The following EPB41 variants were observed in gnomAD, a reference collection of about 807,000 sequenced individuals.
EPB41 encodes erythrocyte membrane protein band 4.1.
EPB41 carries 65 observed loss-of-function variants against 108.0 expected under a neutral mutation model. That is an observed-to-expected ratio of 0.60 (90% confidence interval 0.49 to 0.74). The LOEUF is 0.74. Ranked by LOEUF, EPB41 falls within the 30% of genes least tolerant of loss-of-function variation. The pLI is 0.00. For missense variants in EPB41, 875 were observed against 1,037.0 expected, an observed-to-expected ratio of 0.84 and a Z score of 2.15; for synonymous variants, 336 against 358.9, an observed-to-expected ratio of 0.94 and a Z score of 0.72.
chr1:28,993,661 T>TTC (rs909261846), intron 3 of EPB41, 119 bp downstream of exon 3: 37 of 816,554 alleles, frequency 4.5e-5, no homozygotes, highest in East Asian at 8.4e-5. Context: ...TTTTTTCTTT[T>TTC]TTTTTTTTTT....
At chr1:28,942,392 A>G (rs1319391278) in intron 1 of EPB41, among the ~76,000 whole-genome samples, 1 of 151,470 alleles carries the variant, frequency 6.6e-6, no homozygotes, top group Admixed American at 6.6e-5. Flanking sequence ...GGTTCCCACA[A>G]CCCCCTCTTT....
At chr1:28,969,117 C>T (rs1218022938) in intron 1 of EPB41, among the ~76,000 whole-genome samples, 2 of 149,260 alleles carry the variant, frequency 1.3e-5, no homozygotes, top group African/African-American at 4.9e-5. Context: ...CAGAGTCTTG[C>T]CCTGTCACCC....
At chr1:28,959,436 C>T (rs1372401629) in intron 1 of EPB41, among the ~76,000 whole-genome samples, 2 of 151,992 alleles carry the variant, frequency 1.3e-5, no homozygotes, top group Non-Finnish European at 2.9e-5. Context: ...AGGCTGGTCT[C>T]AAACTTCTGA....
intron 1 of EPB41, among the ~76,000 whole-genome samples, chr1:28,908,417 T>C (rs949987589): frequency 1.4e-5 from 2 of 145,584 alleles, no homozygotes; most frequent in African/African-American, 5.3e-5. Flanking sequence ...AAAAAAAAAG[T>C]AGTTATTATT....
At chr1:28,993,141 T>G (rs1211670524) in intron 2 of EPB41, among the ~76,000 whole-genome samples, 189 bp from the exon 3 acceptor site, 1 of 152,062 alleles carries the variant, frequency 6.6e-6, no homozygotes, top group East Asian at 1.9e-4. Context: ...CCTGAGAAGT[T>G]TTAATAACAA....
rs539171087 is a variant in EPB41, at chr1:29,023,693, A to C, written c.1124+5251A>C. Among the ~76,000 whole-genome samples the C allele has an allele frequency of 2.7e-3, 418 of 152,046 alleles. 12 individuals carry two copies. The highest frequency in any genetic ancestry group is 9.6e-3 in the African/African-American group (397 of 41,368). ...CAAAAGCAAAACTCCGTCTCAAAAA[A>C]AAGAAAAAAGAAAGAAAAGCTCTTT... On this transcript the variant is annotated intron_variant, in intron 7 of 20. Coordinates refer to ENST00000343067, the MANE Select transcript of EPB41 (RefSeq NM_001376013.1).
intron 1 of EPB41, among the ~76,000 whole-genome samples, chr1:28,896,787 G>A (rs1197690901): frequency 6.6e-6 from 1 of 151,674 alleles, no homozygotes; most frequent in Admixed American, 6.6e-5. Context: ...GAGAGATGCC[G>A]AGATCTTGGG....
chr1:29,092,951 G>A (rs1661840434), intron 16 of EPB41, among the ~76,000 whole-genome samples: 1 of 152,006 alleles, frequency 6.6e-6, no homozygotes, highest in African/African-American at 2.4e-5. Context: ...TCTAATTTGC[G>A]ATTGATGGGC....
At chr1:28,909,613 T>C (rs1029077970), upstream of EPB41, among the ~76,000 whole-genome samples, 3 of 151,782 alleles carry the variant, frequency 2.0e-5, no homozygotes, top group Non-Finnish European at 4.4e-5. Context: ...CTCCACAACA[T>C]AGGGAGACCT....
chr1:28,925,034 C>T (rs1223351496), intron 1 of EPB41, among the ~76,000 whole-genome samples: 1 of 150,452 alleles, frequency 6.6e-6, no homozygotes, highest in Non-Finnish European at 1.5e-5. Flanking sequence ...AGCGCGATCT[C>T]GGCTCACTGC....
intron 5 of EPB41, among the ~76,000 whole-genome samples, chr1:29,013,059 C>G (rs534837675): frequency 3.5e-4 from 53 of 151,824 alleles, no homozygotes; most frequent in Non-Finnish European, 7.2e-4. Context: ...GATTATCTTC[C>G]TGGGTATTTA....
chr1:29,011,822 G>A, intron 4 of EPB41, 43 bp from the exon 5 acceptor site: 1 of 1,610,276 alleles, frequency 6.2e-7, no homozygotes, highest in Non-Finnish European at 8.5e-7. Context: ...TGTTGTTTAT[G>A]TGTTTTGGAG....
chr1:29,022,389 AAAG>A (rs1457086475), intron 7 of EPB41, among the ~76,000 whole-genome samples: 4 of 151,364 alleles, frequency 2.6e-5, no homozygotes, highest in African/African-American at 7.3e-5. Context: ...AAAAAAAAAA[AAAG>A]AAACTGCCAT....
At chr1:29,101,893 C>G (rs1057356902) in intron 17 of EPB41, among the ~76,000 whole-genome samples, 6 of 151,942 alleles carry the variant, frequency 3.9e-5, no homozygotes, top group Non-Finnish European at 7.4e-5. Flanking sequence ...GAGTGAGGAC[C>G]TGTATCAAAA....
chr1:29,026,011 T>TTGA (rs1450109895), intron 7 of EPB41, among the ~76,000 whole-genome samples: 1 of 152,106 alleles, frequency 6.6e-6, no homozygotes, highest in Non-Finnish European at 1.5e-5. Flanking sequence ...AGGGTGGTGC[T>TTGA]TGATGCACAG....
chr1:28,932,069 T>G (rs186081488), intron 1 of EPB41, among the ~76,000 whole-genome samples: 1 of 152,256 alleles, frequency 6.6e-6, no homozygotes, highest in African/African-American at 2.4e-5. Flanking sequence ...AGTTGCTTCA[T>G]GTGAATCATT....
chr1:28,905,030 CAAA>C (rs1221262969), intron 1 of EPB41, among the ~76,000 whole-genome samples: 3 of 72,334 alleles, frequency 4.1e-5, no homozygotes, highest in Admixed American at 3.0e-4. Context: ...GACTCTGTCT[CAAA>C]AAAAAAAAAA....
intron 5 of EPB41, 139 bp downstream of exon 5, chr1:29,012,046 C>T (rs2096511197): frequency 1.2e-6 from 1 of 861,470 alleles, no homozygotes. Flanking sequence ...AAAGCCTTCT[C>T]CTGGAAGGAG....
chr1:28,942,109 C>A (rs1319742971), intron 1 of EPB41, among the ~76,000 whole-genome samples: 5 of 151,958 alleles, frequency 3.3e-5, no homozygotes, highest in Non-Finnish European at 7.4e-5. Flanking sequence ...TAACAAAAAC[C>A]AAAATGTTTT....
Sources: gnomAD v4.1 joint callset for allele counts (sites outside exome capture counted in the v4.1 genomes callset) on GRCh38, gnomAD v4.1.1 for gene constraint, MANE v1.5 for transcripts, NCBI Gene and HGNC (gene_info 2026-07-23, HGNC 2026-07-21) for gene names.